The following LAMB3 variants were observed in gnomAD, a reference collection of about 807,000 sequenced individuals.
LAMB3 encodes laminin subunit beta 3, also known as laminin subunit beta-3.
A neutral mutation model predicts 140.3 loss-of-function variants in LAMB3; 104 were observed. The ratio of observed to expected loss-of-function variants is 0.74; its 90% CI spans 0.63 to 0.87. The LOEUF (loss-of-function observed/expected upper bound fraction) is 0.87. Among genes scored for constraint, LAMB3 ranks in the 40% least tolerant of loss-of-function variants. The pLI is 0.00. For synonymous variants in LAMB3, 592 were observed against 602.9 expected, an observed-to-expected ratio of 0.98 and a Z score of 0.26; for missense variants, 1,531 against 1,575.2, an observed-to-expected ratio of 0.97 and a Z score of 0.47.
In LAMB3 at chr1:209,622,690, T is replaced by A; in HGVS notation, c.2557-10A>T. 6.2e-7 allele frequency: 1 copy of A among 1,614,064 alleles called. No individual in the cohort carries two copies. Among genetic ancestry groups the A allele is most frequent in the South Asian group, 1.1e-5 (1 of 91,084 alleles). ...CCTCGGCTGCCCTAATCTGTTGACA[T>A]ACACTCTAGGTCAGAAGGGGTAAGG... On this transcript the variant is annotated splice_polypyrimidine_tract_variant and intron_variant, in intron 17 of 22. Transcript: ENST00000356082.
intron 8 of LAMB3, among the ~76,000 whole-genome samples, chr1:209,631,964 A>G (rs1180052367): frequency 2.0e-5 from 3 of 152,148 alleles, no homozygotes; most frequent in Non-Finnish European, 4.4e-5. Context: ...TTCTTTGCTC[A>G]AGGTTCTCTC....
intron 17 of LAMB3, 85 bp downstream of exon 17, chr1:209,622,897 G>A: frequency 6.6e-7 from 1 of 1,510,752 alleles, no homozygotes; most frequent in South Asian, 1.1e-5. Flanking sequence ...GGACTTTAGT[G>A]TAAAATGGGA....
chr1:209,648,561 A>G (rs573361351), intron 3 of LAMB3, among the ~76,000 whole-genome samples: 2 of 152,232 alleles, frequency 1.3e-5, no homozygotes, highest in South Asian at 2.1e-4. Context: ...TCAAGGGGCT[A>G]CTTAGGAGCA....
At chr1:209,626,563 T>A (rs141626988) in intron 13 of LAMB3, among the ~76,000 whole-genome samples, 1,603 of 152,240 alleles carry the variant, frequency 0.011, 14 homozygotes, top group Non-Finnish European at 0.015. Flanking sequence ...AGAAACAGCC[T>A]CCCCTCCTTG....
intron 8 of LAMB3, 129 bp from the exon 9 acceptor site, chr1:209,630,864 G>T: frequency 1.9e-6 from 2 of 1,075,266 alleles, no homozygotes; most frequent in Non-Finnish European, 1.4e-6. Context: ...CTTCCAGGAA[G>T]CTTCCTCTGA....
intron 21 of LAMB3, among the ~76,000 whole-genome samples, 158 bp downstream of exon 21, chr1:209,617,252 G>A (rs1666001098): frequency 6.6e-6 from 1 of 152,218 alleles, no homozygotes; most frequent in Admixed American, 6.5e-5. Context: ...GGAGAAATCA[G>A]ATGCCTGGCC....
At chr1:209,634,304 T>C (rs1229075641) in intron 6 of LAMB3, 143 bp downstream of exon 6, 10 of 827,082 alleles carry the variant, frequency 1.2e-5, no homozygotes, top group Non-Finnish European at 1.9e-5. Flanking sequence ...ACAGGGGTCA[T>C]TACTGGTGGG....
At chr1:209,622,426 T>C in intron 18 of LAMB3, 110 bp downstream of exon 18, 1 of 1,288,200 alleles carries the variant, frequency 7.8e-7, no homozygotes, top group Non-Finnish European at 1.1e-6. Flanking sequence ...GAGGCCTGGA[T>C]GTTGCAGGCC....
intron 6 of LAMB3, 26 bp from the exon 7 acceptor site, chr1:209,633,159 G>C (rs756790250): frequency 6.4e-7 from 1 of 1,557,128 alleles, no homozygotes; most frequent in African/African-American, 1.4e-5. Context: ...AAAGAGAAGC[G>C]CTGAAGAAGA....
chr1:209,618,380 C>A, intron 19 of LAMB3, 72 bp downstream of exon 19: 1 of 1,477,940 alleles, frequency 6.8e-7, no homozygotes, highest in South Asian at 1.2e-5. Flanking sequence ...ACCCCTCTCC[C>A]AGCAACGGGG....
intron 5 of LAMB3, among the ~76,000 whole-genome samples, chr1:209,637,038 C>T (rs1320805146): frequency 6.6e-6 from 1 of 152,112 alleles, no homozygotes; most frequent in African/African-American, 2.4e-5. Flanking sequence ...AACAGGTGAG[C>T]GATGATAAAG....
At position 209,632,654 on chromosome 1, in the gene LAMB3, A is replaced by G. The variant is rs1025323326; in HGVS notation, c.751T>C (p.Phe251Leu). Residue 251 changes from phenylalanine (F) to leucine (L), a missense_variant, in exon 8 of 23, where the codon TTC becomes CTC. By Grantham distance (22) the Phe-to-Leu change is conservative (BLOSUM62 0). Transcript: ENST00000356082. ...CAGCGATCAGCATGGCCGTGACAGA[A>G]GCAGCTCCCCTGCAGACGGAGCTGG... is the stretch of plus-strand genomic sequence containing the variant. ...VSQLRLQGSC[F>L]CHGHADRCAP... 1.2e-6 allele frequency: 2 copies of G among 1,613,982 alleles called. No individual in the cohort carries two copies. The highest frequency in any genetic ancestry group is 1.1e-5 in the South Asian group (1 of 91,086).
chr1:209,621,275 C>G (rs528414155), intron 18 of LAMB3, among the ~76,000 whole-genome samples: 21 of 152,330 alleles, frequency 1.4e-4, no homozygotes, highest in African/African-American at 4.8e-4. Context: ...AAGCCCCACA[C>G]CTTGACCTCC....
At chr1:209,619,639 T>C (rs1666116726) in intron 18 of LAMB3, among the ~76,000 whole-genome samples, 1 of 152,160 alleles carries the variant, frequency 6.6e-6, no homozygotes, top group Admixed American at 6.5e-5. Flanking sequence ...AGAGATGACA[T>C]CTCCTCCCCA....
Position 209,626,942 on chromosome 1 carries a change from C to G in LAMB3, c.1522G>C (p.Gly508Arg). ...GQCPCREGFG[G>R]LMCSAAAIRQ... Reference sequence around the variant, plus strand: ...ATGGCTGCAGCGCTGCACATCAGGCCACCAAAGCCTTCCCGACAGGGGCAC... The same window carrying G: ...ATGGCTGCAGCGCTGCACATCAGGCGACCAAAGCCTTCCCGACAGGGGCAC... Residue 508 changes from glycine to arginine, a missense_variant, in exon 13 of 23, where the codon GGC (glycine) becomes CGC (arginine). Physicochemically the swap from Gly to Arg is moderately radical, Grantham distance 125. Transcript: ENST00000356082. 6.2e-7 allele frequency: 1 copy of G among 1,613,814 alleles called. No homozygotes were observed. The highest frequency in any genetic ancestry group is 8.5e-7 in the Non-Finnish European group (1 of 1,179,932).
intron 2 of LAMB3, 152 bp from the exon 3 acceptor site, chr1:209,650,270 T>C: frequency 2.6e-6 from 2 of 779,450 alleles, no homozygotes; most frequent in Admixed American, 2.2e-5. Flanking sequence ...AATTGCAGTA[T>C]TGATACTGTT....
At chr1:209,635,362 A>T (rs1474801324) in intron 5 of LAMB3, among the ~76,000 whole-genome samples, 4 of 150,872 alleles carry the variant, frequency 2.7e-5, no homozygotes, top group Non-Finnish European at 5.9e-5. Context: ...CCCCACGTTC[A>T]CTCTTACTCA....
Position 209,626,969 on chromosome 1 carries a change from G to T in LAMB3, c.1495C>A (p.Gln499Lys). 6.2e-7 allele frequency: 1 copy of T among 1,610,290 alleles called. No individual in the cohort carries two copies. Among genetic ancestry groups the T allele is most frequent in the Admixed American group, 1.7e-5 (1 of 59,946 alleles). ...CCAAAGCCTTCCCGACAGGGGCACT[G>T]CCCTGTGAACTGCGTGGGGAGAGCA... ...LSPQCNQFTG[Q>K]CPCREGFGGL... The change falls in exon 13 of 23, where the codon CAG (glutamine) becomes AAG (lysine). Residue 499 changes from glutamine to lysine, a missense_variant. Transcript: ENST00000356082.
At position 209,632,468 on chromosome 1, in the gene LAMB3, TAAATA is replaced by T. The variant is rs1045786142; in HGVS notation, c.822+110_822+114del. The T allele has an allele frequency of 3.1e-4, 245 of 800,546 alleles. No homozygotes were observed. The African/African-American group carries it at 3.5e-3, about 12-fold the overall frequency. 49.6% of individuals were successfully genotyped at this position (800,546 alleles called of 1,614,324 possible). On this transcript the variant is annotated intron_variant, in intron 8 of 22. Coordinates refer to ENST00000356082, the MANE Select transcript of LAMB3 (RefSeq NM_000228.3). ...TTTTTTGTTGTTGCTGCTGAAGTATTAAATACCCAAGTCTTAGATTTAGTGCCCTT... is the reference window on the plus strand; with the variant it reads ...TTTTTTGTTGTTGCTGCTGAAGTATTCCCAAGTCTTAGATTTAGTGCCCTT...
Sources: gnomAD v4.1 joint callset for allele counts (sites outside exome capture counted in the v4.1 genomes callset) on GRCh38, gnomAD v4.1.1 for gene constraint, MANE v1.5 for transcripts, NCBI Gene and HGNC (gene_info 2026-07-23, HGNC 2026-07-21) for gene names.